Variants in NCKAP5 observed in about 807,000 individuals in gnomAD.
The protein encoded by NCKAP5 is NCK associated protein 5, also known as nck-associated protein 5.
NCKAP5 carries 92 observed loss-of-function variants against 167.0 expected under a neutral mutation model. The ratio of observed to expected loss-of-function variants is 0.55; its 90% confidence interval spans 0.47 to 0.66. The LOEUF (loss-of-function observed/expected upper bound fraction) is 0.66. Ranked by LOEUF, NCKAP5 falls within the 30% of genes least tolerant of loss-of-function variation. NCKAP5 has a pLI of 0.00. For synonymous variants in NCKAP5, 891 were observed against 877.4 expected (o/e 1.02, Z -0.27); for missense variants, 2,378 against 2,315.0 (o/e 1.03, Z -0.56).
At chr2:132,968,801 G>A (rs1255248937) in intron 7 of NCKAP5, among the ~76,000 whole-genome samples, 1 of 152,138 alleles carries the variant, frequency 6.6e-6, no homozygotes, top group Non-Finnish European at 1.5e-5. Context: ...AGTTTGGCAG[G>A]GAAGGAAATC....
intron 3 of NCKAP5, among the ~76,000 whole-genome samples, chr2:133,469,033 G>A (rs1405055271): frequency 6.6e-6 from 1 of 151,692 alleles, no homozygotes; most frequent in Non-Finnish European, 1.5e-5. Context: ...ATTGTTATGT[G>A]TGAATTTGAT....
rs961424252 is a variant in NCKAP5, at chr2:133,556,273, T to C, written c.-62+2777A>G. On this transcript the variant is annotated intron_variant, in intron 2 of 19. Coordinates refer to ENST00000409261, the MANE Select transcript of NCKAP5 (RefSeq NM_207363.3). ...GTATTTTATACTTCAATAAAAAAGG[T>C]TAAACATTTTCCTCTTCCAAATGTC... 2.0e-5 allele frequency among the ~76,000 whole-genome samples: 3 copies of C among 152,230 alleles called. No homozygotes were observed. In the East Asian group the frequency reaches 5.8e-4, roughly 29 times the overall value.
At chr2:132,930,076 A>G (rs1696246774) in intron 8 of NCKAP5, 1 of 152,152 alleles carries the variant, frequency 6.6e-6, no homozygotes, top group Non-Finnish European at 1.5e-5. Context: ...GACTACTTCC[A>G]ACCTCCACAA....
At chr2:133,461,856 T>G (rs529748037) in intron 3 of NCKAP5, among the ~76,000 whole-genome samples, 2 of 152,256 alleles carry the variant, frequency 1.3e-5, no homozygotes. Context: ...AACGTGAAGA[T>G]TTCATAGGAT....
intron 5 of NCKAP5, among the ~76,000 whole-genome samples, chr2:133,165,748 T>C (rs1036599591): frequency 6.6e-6 from 1 of 152,180 alleles, no homozygotes; most frequent in Non-Finnish European, 1.5e-5. Context: ...TGGTATCAGA[T>C]ACCCAGGTCA....
chr2:132,737,860 C>T (rs1441598425), intron 16 of NCKAP5, among the ~76,000 whole-genome samples: 1 of 152,192 alleles, frequency 6.6e-6, no homozygotes, highest in African/African-American at 2.4e-5. Flanking sequence ...CTCCTCCATT[C>T]TCCCATATAA....
intron 3 of NCKAP5, among the ~76,000 whole-genome samples, chr2:133,314,250 C>G (rs1681449256): frequency 6.6e-6 from 1 of 152,096 alleles, no homozygotes; most frequent in South Asian, 2.1e-4. Flanking sequence ...TAATAGATGG[C>G]AAGGCATTTC....
At chr2:133,021,959 G>A (rs1559059391) in intron 6 of NCKAP5, among the ~76,000 whole-genome samples, 2 of 152,154 alleles carry the variant, frequency 1.3e-5, no homozygotes, top group South Asian at 4.1e-4. Flanking sequence ...CAAGGGAATG[G>A]ACAATGGTAT....
intron 16 of NCKAP5, among the ~76,000 whole-genome samples, chr2:132,767,971 T>C (rs1261777408): frequency 6.6e-6 from 1 of 152,196 alleles, no homozygotes; most frequent in African/African-American, 2.4e-5. Context: ...GACCATGTCC[T>C]CTGTCATGCT....
the NCKAP5 span, among the ~76,000 whole-genome samples, chr2:133,600,473 C>A: frequency 6.6e-6 from 1 of 152,232 alleles, no homozygotes; most frequent in Non-Finnish European, 1.5e-5. Context: ...AAGCCCCGAA[C>A]AATGAGCCGT....
chr2:133,034,251 A>ATAG lies in NCKAP5; in HGVS notation c.342-40015_342-40013dup, dbSNP rs573847349. Reference sequence around the variant, plus strand: ...GAAGGAAAAACACTTTTACCCTAGAATAGTATATCCATTGAAAATATCCTT... The same window carrying ATAG: ...GAAGGAAAAACACTTTTACCCTAGAATAGTAGTATATCCATTGAAAATATCCTT... On this transcript the variant is annotated intron_variant, in intron 6 of 19. Transcript: ENST00000409261. 2.7e-3 allele frequency among the ~76,000 whole-genome samples: 414 copies of ATAG among 152,314 alleles called. 3 individuals carry two copies. The highest frequency in any genetic ancestry group is 9.1e-3 in the African/African-American group (377 of 41,584).
At chr2:133,250,157 C>T (rs2088235505) in intron 4 of NCKAP5, among the ~76,000 whole-genome samples, 1 of 151,894 alleles carries the variant, frequency 6.6e-6, no homozygotes, top group African/African-American at 2.4e-5. Flanking sequence ...GGGTCCAAGC[C>T]TTTGAGGTTT....
At chr2:133,261,526 A>C (rs189964081) in intron 4 of NCKAP5, among the ~76,000 whole-genome samples, 1 of 152,206 alleles carries the variant, frequency 6.6e-6, no homozygotes, top group Admixed American at 6.5e-5. Context: ...TATTATGATG[A>C]TGTTCCTTAC....
chr2:133,573,641 T>A, the NCKAP5 span, among the ~76,000 whole-genome samples: 2 of 152,190 alleles, frequency 1.3e-5, no homozygotes, highest in African/African-American at 4.8e-5. Flanking sequence ...TATGTAAGGA[T>A]AAAGTATCAT....
At chr2:133,655,825 C>T in the NCKAP5 span, among the ~76,000 whole-genome samples, 1 of 152,140 alleles carries the variant, frequency 6.6e-6, no homozygotes, top group African/African-American at 2.4e-5. Context: ...TAATGGGCAG[C>T]TGAGCAGATG....
chr2:132,725,582 C>A lies in NCKAP5; in HGVS notation c.5713+45G>T, dbSNP rs750400177. The A allele has an allele frequency of 1.0e-5, 16 of 1,573,928 alleles. No homozygotes were observed. In the Middle Eastern group the frequency reaches 5.2e-4, roughly 51 times the overall value. The stretch of plus-strand genomic sequence containing the variant: ...AGTGAAAGGTATAATCAGCGGCTTC[C>A]CAGAGAGAGGAACCTGCAGGGCCAG... On this transcript the variant is annotated intron_variant, in intron 19 of 19. Transcript: ENST00000409261.
At chr2:132,726,010 G>A (rs959129634) in intron 18 of NCKAP5, among the ~76,000 whole-genome samples, 2 of 152,148 alleles carry the variant, frequency 1.3e-5, no homozygotes, top group African/African-American at 4.8e-5. Context: ...GCTGTCGACG[G>A]CACTCTGCCG....
intron 1 of NCKAP5, among the ~76,000 whole-genome samples, chr2:133,562,463 A>G (rs940094763): frequency 6.6e-6 from 1 of 152,212 alleles, no homozygotes; most frequent in African/African-American, 2.4e-5. Context: ...GATCAGTTCT[A>G]TGTTTCTAGA....
chr2:133,316,643 G>C (rs930675023), intron 3 of NCKAP5, among the ~76,000 whole-genome samples: 6 of 152,100 alleles, frequency 3.9e-5, no homozygotes, highest in Non-Finnish European at 8.8e-5. Context: ...CTTACTTATG[G>C]GCACTGAACA....
Sources: allele counts gnomAD v4.1 joint callset (sites outside exome capture counted in the v4.1 genomes callset), GRCh38; gene constraint gnomAD v4.1.1; transcripts MANE v1.5; gene names NCBI Gene and HGNC (gene_info 2026-07-23, HGNC 2026-07-21).